SEMA3D: variants seen among roughly 807,000 people sequenced by gnomAD.
The protein encoded by SEMA3D is semaphorin-3D.
In SEMA3D, 84 loss-of-function variants were observed where a neutral mutation model predicts 100.1. The ratio of observed to expected loss-of-function variants is 0.84; its 90% CI spans 0.70 to 1.01. SEMA3D has a LOEUF of 1.01. Among genes scored for constraint, SEMA3D ranks in the 50% least tolerant of loss-of-function variants. SEMA3D has a pLI of 0.00. For synonymous variants in SEMA3D, 312 were observed against 320.7 expected (o/e 0.97, Z 0.29); for missense variants, 875 against 934.1 (o/e 0.94, Z 0.82).
intron 18 of SEMA3D, among the ~76,000 whole-genome samples, chr7:85,002,414 T>C (rs1011879204): frequency 4.6e-5 from 7 of 152,214 alleles, no homozygotes; most frequent in African/African-American, 1.7e-4. Flanking sequence ...TTTGAATAGA[T>C]ATATTTACAG....
At chr7:85,104,783 AAAAAAG>A (rs1788862153) in intron 3 of SEMA3D, among the ~76,000 whole-genome samples, 1 of 151,952 alleles carries the variant, frequency 6.6e-6, no homozygotes, top group African/African-American at 2.4e-5. Flanking sequence ...TAGATTAAAA[AAAAAAG>A]AAAAGAAAAG....
intron 4 of SEMA3D, among the ~76,000 whole-genome samples, chr7:85,084,478 C>G (rs184240488): frequency 6.6e-4 from 101 of 152,142 alleles, no homozygotes; most frequent in South Asian, 4.2e-4. Flanking sequence ...GAAAATAGTA[C>G]ACAGAATACT....
chr7:85,179,267 C>T (rs1246788712), intron 1 of SEMA3D, among the ~76,000 whole-genome samples: 1 of 152,110 alleles, frequency 6.6e-6, no homozygotes, highest in East Asian at 1.9e-4. Flanking sequence ...AATGGTAGAT[C>T]CACTGACAGC....
At chr7:85,167,344 A>G (rs906355435) in intron 1 of SEMA3D, 68 of 983,644 alleles carry the variant, frequency 6.9e-5, no homozygotes, top group Admixed American at 5.6e-4. Context: ...TCATAGAAAC[A>G]TAAAGCATTT....
the SEMA3D span, among the ~76,000 whole-genome samples, chr7:85,201,313 GC>G: frequency 2.0e-5 from 3 of 152,160 alleles, no homozygotes; most frequent in South Asian, 6.2e-4. Flanking sequence ...ACACTTTTAA[GC>G]CCCTTCATTA....
intron 3 of SEMA3D, among the ~76,000 whole-genome samples, chr7:85,110,839 G>C (rs1397567634): frequency 6.6e-6 from 1 of 151,916 alleles, no homozygotes; most frequent in Non-Finnish European, 1.5e-5. Context: ...ATTTCCTTAA[G>C]AGAATTATCT....
chr7:85,175,099 T>C (rs188835893), intron 1 of SEMA3D, among the ~76,000 whole-genome samples: 2 of 152,294 alleles, frequency 1.3e-5, no homozygotes, highest in African/African-American at 4.8e-5. Flanking sequence ...ATGGAGATGA[T>C]GGTTTTGTAC....
chr7:85,009,635 A>G (rs1789897448), intron 17 of SEMA3D, among the ~76,000 whole-genome samples: 1 of 151,772 alleles, frequency 6.6e-6, no homozygotes, highest in East Asian at 1.9e-4. Flanking sequence ...CCTAGCACCT[A>G]TAAAGTAAGA....
chr7:85,143,664 T>C (rs897113755), intron 2 of SEMA3D, among the ~76,000 whole-genome samples: 4 of 152,212 alleles, frequency 2.6e-5, no homozygotes, highest in East Asian at 1.9e-4. Flanking sequence ...TATATAGTAA[T>C]ATAATCCAGT....
At chr7:85,175,487 G>A (rs1791200274) in intron 1 of SEMA3D, among the ~76,000 whole-genome samples, 1 of 152,106 alleles carries the variant, frequency 6.6e-6, no homozygotes, top group Admixed American at 6.6e-5. Context: ...TCATCATAGT[G>A]AAGTCTAAGT....
At chr7:85,097,129 A>G (rs966598268) in intron 4 of SEMA3D, among the ~76,000 whole-genome samples, 1 of 151,822 alleles carries the variant, frequency 6.6e-6, no homozygotes, top group Non-Finnish European at 1.5e-5. Flanking sequence ...TTAATAGACA[A>G]TGTCTAAAGT....
At chr7:85,029,437 A>C in intron 12 of SEMA3D, 1 of 764,444 alleles carries the variant, frequency 1.3e-6, no homozygotes. Context: ...ACTTCAAGTC[A>C]AGATTAACAA....
chr7:85,130,408 A>G (rs1789694937), intron 2 of SEMA3D, among the ~76,000 whole-genome samples: 1 of 152,168 alleles, frequency 6.6e-6, no homozygotes. Flanking sequence ...ATCTTGTTTT[A>G]ACATGCTTCA....
At chr7:85,006,982 A>C in intron 17 of SEMA3D, 41 bp from the exon 18 acceptor site, 8 of 1,547,184 alleles carry the variant, frequency 5.2e-6, no homozygotes, top group Non-Finnish European at 7.0e-6. Flanking sequence ...CCTTGACCTG[A>C]TTTTAAAAGC....
chr7:85,182,527 T>C (rs1283718532), intron 1 of SEMA3D, among the ~76,000 whole-genome samples: 1 of 152,178 alleles, frequency 6.6e-6, no homozygotes, highest in Non-Finnish European at 1.5e-5. Flanking sequence ...GACAAATTCC[T>C]ACCCTCAAGA....
chr7:85,164,449 A>C (rs7802178), intron 1 of SEMA3D, among the ~76,000 whole-genome samples: 66,536 of 152,012 alleles, frequency 0.44, 15,554 homozygotes, highest in East Asian at 0.7. Context: ...ATCTTTAAAA[A>C]ATATTTTTTT....
In SEMA3D at chr7:84,996,557, A is replaced by G. The variant is rs1270849283; in HGVS notation, c.*2883T>C. On this transcript the variant is annotated 3_prime_UTR_variant, in exon 19 of 19. Transcript: ENST00000284136. Reference sequence around the variant, plus strand: ...TGAGCTCTTTGGAAAAAAGGACTCTACATAAATTAATTAGACAATTCATTT... The same window carrying G: ...TGAGCTCTTTGGAAAAAAGGACTCTGCATAAATTAATTAGACAATTCATTT... 1 of 152,340 alleles carries G rather than the reference A, an allele frequency of 6.6e-6. No individual in the cohort carries two copies. The highest frequency in any genetic ancestry group is 1.5e-5 in the Non-Finnish European group (1 of 67,920). The allele number at this position is 152,340 out of a possible 1,614,324, so 9.4% of individuals were successfully genotyped here. A position where few individuals can be genotyped will look rare whatever the true frequency, so the allele number is the denominator to read the frequency against.
chr7:85,206,384 G>T, the SEMA3D span, among the ~76,000 whole-genome samples: 3 of 152,090 alleles, frequency 2.0e-5, no homozygotes, highest in Non-Finnish European at 4.4e-5. Context: ...ATGAAGGGGG[G>T]AAATAGACAA....
Position 85,041,911 on chromosome 7 carries a change from A to C in SEMA3D, c.976+260T>G, listed in dbSNP as rs892941941. 2.1e-5 allele frequency: 9 copies of C among 434,042 alleles called. No individual in the cohort carries two copies. In the South Asian group the frequency reaches 4.2e-4, roughly 20 times the overall value. 26.9% of individuals were successfully genotyped at this position (434,042 alleles called of 1,614,324 possible). ...TGAACTGTGTAGTTCCAGAGCTCAC[A>C]CCTTTCTGTGTCTTGCTGTAGTTTT... On this transcript the variant is annotated intron_variant, in intron 10 of 18. Transcript: ENST00000284136.
Sources: allele counts gnomAD v4.1 joint callset (sites outside exome capture counted in the v4.1 genomes callset), GRCh38; gene constraint gnomAD v4.1.1; transcripts MANE v1.5; gene names NCBI Gene and HGNC (gene_info 2026-07-23, HGNC 2026-07-21).